Variants in NOL4 observed in about 807,000 individuals in gnomAD.
NOL4 encodes nucleolar protein 4, also known as cancer/testis antigen 125.
A neutral mutation model predicts 75.9 loss-of-function variants in NOL4; 17 were observed. The ratio of observed to expected loss-of-function variants is 0.22; its 90% confidence interval spans 0.15 to 0.34. The LOEUF is 0.34. NOL4 is among the 10% of genes least tolerant of loss of function. The pLI is 1.00. For synonymous variants in NOL4, 292 were observed against 289.9 expected (o/e 1.01, Z -0.07); for missense variants, 614 against 793.5 (o/e 0.77, Z 2.72).
At chr18:34,071,326 T>C (rs1347793076) in intron 5 of NOL4, among the ~76,000 whole-genome samples, 3 of 152,076 alleles carry the variant, frequency 2.0e-5, no homozygotes, top group South Asian at 2.1e-4. Flanking sequence ...ATAATATAGA[T>C]ACATATTGAA....
chr18:34,073,870 C>T (rs867712931), intron 5 of NOL4, among the ~76,000 whole-genome samples: 4 of 151,870 alleles, frequency 2.6e-5, no homozygotes, highest in African/African-American at 9.7e-5. Context: ...CTATGGACAA[C>T]ACTTACATAG....
chr18:34,111,132 C>G (rs1298108364), intron 2 of NOL4, among the ~76,000 whole-genome samples: 1 of 152,018 alleles, frequency 6.6e-6, no homozygotes, highest in East Asian at 1.9e-4. Context: ...TTGTATCACA[C>G]CTTATACAAA....
At chr18:34,084,335 C>T (rs1458354766) in intron 5 of NOL4, among the ~76,000 whole-genome samples, 2 of 152,024 alleles carry the variant, frequency 1.3e-5, no homozygotes, top group Non-Finnish European at 2.9e-5. Context: ...TCAGGGATAC[C>T]AGAGTTCTGT....
At chr18:34,205,109 G>T (rs2036030165) in intron 1 of NOL4, among the ~76,000 whole-genome samples, 1 of 152,048 alleles carries the variant, frequency 6.6e-6, no homozygotes, top group South Asian at 2.1e-4. Context: ...TTAAGTCCTG[G>T]ATTTTAAATT....
At chr18:34,185,814 C>G in intron 1 of NOL4, among the ~76,000 whole-genome samples, 1 of 152,168 alleles carries the variant, frequency 6.6e-6, no homozygotes, top group South Asian at 2.1e-4. Flanking sequence ...GTATCTCCTA[C>G]TTCACCAAAG....
chr18:33,993,046 T>C (rs888364791), intron 6 of NOL4, among the ~76,000 whole-genome samples: 3 of 151,872 alleles, frequency 2.0e-5, no homozygotes, highest in Non-Finnish European at 4.4e-5. Context: ...TAGACTAAAC[T>C]GTAGGGCAGT....
rs1033919389 is a variant in NOL4, at chr18:34,221,869, T to C, written c.264+1121A>G. The C allele has an allele frequency of 4.9e-6, 3 of 608,500 alleles. No individual in the cohort carries two copies. The Admixed American group carries it at 1.0e-4, about 20-fold the overall frequency. The allele number at this position is 608,500 out of a possible 1,614,324, so 37.7% of individuals were successfully genotyped here. A position where few individuals can be genotyped will look rare whatever the true frequency, so the allele number is the denominator to read the frequency against. ...ATAGAATAGCTTTCAAAGCGTCTCCTTTCTAGCATCCTCCAGGAATACTGC... is the reference window on the plus strand; with the variant it reads ...ATAGAATAGCTTTCAAAGCGTCTCCCTTCTAGCATCCTCCAGGAATACTGC... On this transcript the variant is annotated intron_variant, in intron 1 of 10. Coordinates refer to ENST00000261592, the MANE Select transcript of NOL4 (RefSeq NM_003787.5).
intron 1 of NOL4, among the ~76,000 whole-genome samples, chr18:34,177,952 A>C (rs2033694169): frequency 6.6e-6 from 1 of 151,886 alleles, no homozygotes; most frequent in Admixed American, 6.6e-5. Flanking sequence ...CACACAGATA[A>C]GTATATGAAG....
chr18:34,222,934 C>A, intron 1 of NOL4, 56 bp downstream of exon 1: 1 of 1,580,810 alleles, frequency 6.3e-7, no homozygotes, highest in South Asian at 1.1e-5. Flanking sequence ...TCTCCTTCCT[C>A]CCTCCCCGCC....
intron 5 of NOL4, among the ~76,000 whole-genome samples, chr18:34,074,244 G>A (rs572975059): frequency 1.3e-4 from 20 of 151,340 alleles, no homozygotes; most frequent in Admixed American, 5.3e-4. Flanking sequence ...TAATATCTGA[G>A]ATTGTAAATT....
intron 1 of NOL4, among the ~76,000 whole-genome samples, chr18:34,198,753 T>C (rs890000118): frequency 1.3e-5 from 2 of 151,812 alleles, no homozygotes; most frequent in Non-Finnish European, 2.9e-5. Context: ...CAAACAAGAA[T>C]TGAATGAAAA....
At chr18:33,972,707 T>C (rs1404140436) in intron 6 of NOL4, among the ~76,000 whole-genome samples, 1 of 152,232 alleles carries the variant, frequency 6.6e-6, no homozygotes, top group East Asian at 1.9e-4. Context: ...CAAATATTTT[T>C]GTTTCCCAGT....
intron 2 of NOL4, among the ~76,000 whole-genome samples, chr18:34,121,970 T>C (rs1367987820): frequency 1.3e-5 from 2 of 152,202 alleles, no homozygotes; most frequent in Non-Finnish European, 2.9e-5. Context: ...GATAACACTT[T>C]AGACTATGTA....
chr18:34,170,131 C>T (rs1485413940), intron 1 of NOL4, among the ~76,000 whole-genome samples: 1 of 151,836 alleles, frequency 6.6e-6, no homozygotes, highest in African/African-American at 2.4e-5. Flanking sequence ...GGGTATTGAG[C>T]CCTTGAAATG....
In NOL4 at chr18:34,153,228, T is replaced by C. The variant is rs144689972; in HGVS notation, c.265-23208A>G. On this transcript the variant is annotated intron_variant, in intron 1 of 10. Coordinates refer to ENST00000261592, the MANE Select transcript of NOL4 (RefSeq NM_003787.5). The stretch of plus-strand genomic sequence containing the variant: ...GTCATAAGGTATATTTATATTAACA[T>C]TACACTATTTCCAATATTTATAAAA... Among the ~76,000 whole-genome samples the C allele has an allele frequency of 8.4e-3, 1,279 of 152,020 alleles. 4 individuals are homozygous for C. The highest frequency in any genetic ancestry group is 0.034 in the Middle Eastern group (10 of 294).
intron 9 of NOL4, among the ~76,000 whole-genome samples, chr18:33,939,348 ATCTATAAATTACTTTGGGCAG>A (rs2068300472): frequency 6.6e-6 from 1 of 152,120 alleles, no homozygotes; most frequent in African/African-American, 2.4e-5. Flanking sequence ...ATAACAATGA[ATCTATAAATTACTTTGGGCAG>A]TATGGCCATT....
chr18:34,205,245 TAGAC>T (rs1271048304), intron 1 of NOL4, among the ~76,000 whole-genome samples: 1 of 152,118 alleles, frequency 6.6e-6, no homozygotes, highest in Non-Finnish European at 1.5e-5. Flanking sequence ...GATGAAGTAA[TAGAC>T]AGTTTTCACA....
chr18:34,087,352 CTA>C (rs1312665906), intron 5 of NOL4, among the ~76,000 whole-genome samples: 2 of 152,026 alleles, frequency 1.3e-5, no homozygotes, highest in African/African-American at 4.8e-5. Context: ...TTACTCCCCT[CTA>C]TGTTTCCACT....
At chr18:34,051,736 C>A (rs986409569) in intron 5 of NOL4, among the ~76,000 whole-genome samples, 1 of 151,880 alleles carries the variant, frequency 6.6e-6, no homozygotes, top group African/African-American at 2.4e-5. Flanking sequence ...GTGAACCAAA[C>A]AGAAAGAAAT....
Sources: allele counts gnomAD v4.1 joint callset (sites outside exome capture counted in the v4.1 genomes callset), GRCh38; gene constraint gnomAD v4.1.1; transcripts MANE v1.5; gene names NCBI Gene and HGNC (gene_info 2026-07-23, HGNC 2026-07-21).